ACLY: variants seen among roughly 807,000 people sequenced by gnomAD.
The protein encoded by ACLY is ATP-citrate synthase.
In ACLY, 41 loss-of-function variants were observed where a neutral mutation model predicts 133.0. That is an observed-to-expected ratio of 0.31 (90% confidence interval 0.24 to 0.40). The LOEUF (loss-of-function observed/expected upper bound fraction) is 0.40, where lower values mean the gene tolerates loss of function less well. Ranked by LOEUF, ACLY falls within the 10% of genes least tolerant of loss-of-function variation. ACLY has a pLI of 1.00. For missense variants in ACLY, 1,046 were observed against 1,453.8 expected, an observed-to-expected ratio of 0.72 and a Z score of 4.56; for synonymous variants, 495 against 549.3, an observed-to-expected ratio of 0.90 and a Z score of 1.38.
chr17:41,897,672 A>T lies in ACLY; in HGVS notation c.1429+77T>A, dbSNP rs548938142. ...ATCTGCCTCTGCCAGCCCAGGGGGG[A>T]AAGGGAAAGGGGAGAGAGATACAGA... On this transcript the variant is annotated intron_variant, in intron 13 of 28. Coordinates refer to ENST00000352035, the MANE Select transcript of ACLY (RefSeq NM_001096.3). The T allele has an allele frequency of 2.1e-4, 282 of 1,374,096 alleles. No individual in the cohort carries two copies. The African/African-American group carries it at 3.1e-3, about 15-fold the overall frequency. The allele number at this position is 1,374,096 out of a possible 1,614,324, so 85.1% of individuals were successfully genotyped here. A position where few individuals can be genotyped will look rare whatever the true frequency, so the allele number is the denominator to read the frequency against.
chr17:41,923,743 G>A (rs1481837596), upstream of ACLY, among the ~76,000 whole-genome samples: 4 of 152,218 alleles, frequency 2.6e-5, no homozygotes, highest in Admixed American at 2.6e-4. Flanking sequence ...GAAGGGCAGG[G>A]AGAGGAGGGA....
chr17:41,898,642 CGCTG>C lies in ACLY; in HGVS notation c.1323_1326del (p.Ser442GlyfsTer107). 1.9e-6 allele frequency: 3 copies of C among 1,613,570 alleles called. No individual in the cohort carries two copies. The highest frequency in any genetic ancestry group is 2.5e-6 in the Non-Finnish European group (3 of 1,179,876). On this transcript the variant is annotated frameshift_variant, in exon 12 of 29. Coordinates refer to ENST00000352035, the MANE Select transcript of ACLY (RefSeq NM_001096.3). LOFTEE classifies it high-confidence loss of function. ...AGGCTGGAACCTACCGATGTGCTCC[CGCTG>C]GCGTTGAGGAGGAAGTTTGCAGTGT... is the stretch of plus-strand genomic sequence containing the variant.
At chr17:41,910,097 G>T in intron 4 of ACLY, 125 bp downstream of exon 4, 2 of 954,656 alleles carry the variant, frequency 2.1e-6, no homozygotes, top group Non-Finnish European at 3.1e-6. Context: ...GATCCTCAGT[G>T]CAGCTTCAGG....
chr17:41,929,865 C>CGTGT (rs34705137), intron 1 of ACLY, among the ~76,000 whole-genome samples: 7,344 of 150,046 alleles, frequency 0.049, 188 homozygotes, highest in East Asian at 0.11. Flanking sequence ...ACATGTATGC[C>CGTGT]GTGTGTGTGT....
intron 20 of ACLY, among the ~76,000 whole-genome samples, chr17:41,881,589 C>T (rs1457454876): frequency 6.6e-6 from 1 of 152,134 alleles, no homozygotes; most frequent in Non-Finnish European, 1.5e-5. Flanking sequence ...CCTCATTTTA[C>T]AGCTCAGGAA....
chr17:41,906,447 G>C, intron 8 of ACLY, 81 bp downstream of exon 8: 1 of 1,269,276 alleles, frequency 7.9e-7, no homozygotes, highest in South Asian at 1.2e-5. Context: ...CAAAGTGACA[G>C]GACCCCACCC....
chr17:41,869,674 G>A (rs538434361), intron 25 of ACLY, 87 bp from the exon 26 acceptor site: 15 of 1,150,478 alleles, frequency 1.3e-5, no homozygotes, highest in Middle Eastern at 4.2e-4. Flanking sequence ...AGGTAGAACT[G>A]GACATATCCC....
In ACLY at chr17:41,884,283, A is replaced by G; in HGVS notation, c.2073-9T>C. ...ATGTGGAGCCCGGGTACCTGTTGAGAGCAGGGAGTATCAGGATACAGGATC... is the reference window on the plus strand; with the variant it reads ...ATGTGGAGCCCGGGTACCTGTTGAGGGCAGGGAGTATCAGGATACAGGATC... On this transcript the variant is annotated splice_polypyrimidine_tract_variant and intron_variant, in intron 18 of 28. Coordinates refer to ENST00000352035, the MANE Select transcript of ACLY (RefSeq NM_001096.3). 1 of 1,587,582 alleles carries G rather than the reference A, an allele frequency of 6.3e-7. No homozygotes were observed. Among genetic ancestry groups the G allele is most frequent in the Non-Finnish European group, 8.7e-7 (1 of 1,155,954 alleles).
intron 16 of ACLY, among the ~76,000 whole-genome samples, 154 bp downstream of exon 16, chr17:41,892,125 C>A (rs1555629394): frequency 6.6e-6 from 1 of 152,138 alleles, no homozygotes; most frequent in Non-Finnish European, 1.5e-5. Flanking sequence ...ACTGGCTACT[C>A]CCAAATCCCC....
In ACLY at chr17:41,892,344, G is replaced by A; in HGVS notation, c.1705C>T (p.Leu569Phe). The change falls in exon 16 of 29, where the codon CTC becomes TTC. Residue 569 changes from leucine (L) to phenylalanine (F), a missense_variant. Around this residue, in one of 4 missense-constraint regions of ACLY, gnomAD observed 575 missense variants for 804.2 expected, o/e 0.71. Transcript: ENST00000352035. ...GAGCGGAGAGAGGCAAAGTTGATGA[G>A]CACATCTACCTCCGGATGCTTCCTC... ...AMRKHPEVDV[L>F]INFASLRSAY... The A allele has an allele frequency of 6.2e-7, 1 of 1,612,082 alleles. No homozygotes were observed. The highest frequency in any genetic ancestry group is 1.7e-5 in the Admixed American group (1 of 59,618).
At chr17:41,868,682 A>G (rs1162075642) in intron 28 of ACLY, 27 bp downstream of exon 28, 2 of 1,603,814 alleles carry the variant, frequency 1.2e-6, no homozygotes, top group East Asian at 2.2e-5. Flanking sequence ...AAAAAAAAAC[A>G]CTTAAAACAA....
chr17:41,907,614 G>C (rs782038648), intron 6 of ACLY, 42 bp from the exon 7 acceptor site: 1 of 1,602,362 alleles, frequency 6.2e-7, no homozygotes, highest in Non-Finnish European at 8.5e-7. Flanking sequence ...CCGGCTCTGG[G>C]TAGAGACAAC....
intron 1 of ACLY, among the ~76,000 whole-genome samples, chr17:41,927,836 A>C (rs1005220468): frequency 1.9e-4 from 29 of 151,792 alleles, no homozygotes; most frequent in African/African-American, 6.8e-4. Flanking sequence ...AAAAAAAAAA[A>C]AACTCAATAT....
At position 41,913,786 on chromosome 17, in the gene ACLY, T is replaced by C; in HGVS notation, c.88A>G (p.Lys30Glu). 1 of 1,614,224 alleles carries C rather than the reference T, an allele frequency of 6.2e-7. No homozygotes were observed. Among genetic ancestry groups the C allele is most frequent in the Non-Finnish European group, 8.5e-7 (1 of 1,180,034 alleles). The change falls in exon 2 of 29, where the codon AAG becomes GAG. Residue 30 changes from lysine to glutamate, a missense_variant. Transcript: ENST00000352035. The stretch of plus-strand genomic sequence containing the variant: ...GTGTCAGGAGTGACCCGAGCATACT[T>C]GAACCGATTCTGGATGGCTGAGGTG... ...CTTSAIQNRF[K>E]YARVTPDTDW...
chr17:41,870,915 T>G (rs1234805612), intron 25 of ACLY, among the ~76,000 whole-genome samples: 9 of 152,330 alleles, frequency 5.9e-5, no homozygotes, highest in Admixed American at 5.2e-4. Context: ...ACGGCGGCTG[T>G]TCTTTCGGCA....
intron 19 of ACLY, 27 bp downstream of exon 19, chr17:41,884,166 A>G (rs1555627794): frequency 3.5e-6 from 5 of 1,413,434 alleles, no homozygotes; most frequent in Non-Finnish European, 5.0e-6. Flanking sequence ...TTTTAAAATC[A>G]TAATTTTTTT....
At chr17:41,886,041 G>A in intron 18 of ACLY, 71 bp downstream of exon 18, 1 of 1,490,312 alleles carries the variant, frequency 6.7e-7, no homozygotes, top group Non-Finnish European at 9.3e-7. Flanking sequence ...GCAGCCTGCA[G>A]GACACAGCAT....
chr17:41,915,807 C>G (rs2050036307), intron 1 of ACLY, among the ~76,000 whole-genome samples: 1 of 152,144 alleles, frequency 6.6e-6, no homozygotes, highest in Non-Finnish European at 1.5e-5. Flanking sequence ...AGCCCCCACC[C>G]CCTTCCAAAG....
chr17:41,880,615 A>C (rs1452678639), intron 20 of ACLY, among the ~76,000 whole-genome samples: 1 of 152,228 alleles, frequency 6.6e-6, no homozygotes, highest in African/African-American at 2.4e-5. Flanking sequence ...CTGTAATCCC[A>C]GCACTTTGAG....
Sources: gnomAD v4.1 joint callset for allele counts (sites outside exome capture counted in the v4.1 genomes callset) on GRCh38, gnomAD v4.1.1 for gene constraint, gnomAD v4.1.1 regional missense constraint, MANE v1.5 for transcripts, NCBI Gene and HGNC (gene_info 2026-07-23, HGNC 2026-07-21) for gene names.